The following PRIMPOL variants were observed in gnomAD, a reference collection of about 807,000 sequenced individuals.
PRIMPOL encodes the protein DNA-directed primase/polymerase protein.
A neutral mutation model predicts 63.6 loss-of-function variants in PRIMPOL; 54 were observed. The observed-to-expected ratio is 0.85, with a 90% CI of 0.68 to 1.07. The LOEUF is 1.07. PRIMPOL is among the 50% of genes least tolerant of loss of function. PRIMPOL has a pLI of 0.00. For missense variants in PRIMPOL, 610 were observed against 648.3 expected (o/e 0.94, Z 0.64); for synonymous variants, 197 against 220.2 (o/e 0.89, Z 0.93).
intron 5 of PRIMPOL, among the ~76,000 whole-genome samples, chr4:184,663,317 T>G (rs534830776): frequency 6.6e-6 from 1 of 152,266 alleles, no homozygotes; most frequent in Non-Finnish European, 1.5e-5. Flanking sequence ...AGTGCTGGGA[T>G]TATAGGCGCG....
At position 184,654,764 on chromosome 4, in the gene PRIMPOL, A is replaced by T. The variant is rs537596408; in HGVS notation, c.-59-2318A>T. ...ACCGCGCCCGGCTGAAGCAGTTTTT[A>T]AAAAAATTGCTTCATCTCCTCCATC... On this transcript the variant is annotated intron_variant, in intron 2 of 13. Coordinates refer to ENST00000314970, the MANE Select transcript of PRIMPOL (RefSeq NM_152683.4). Among the ~76,000 whole-genome samples, 21 of 152,070 alleles carry T rather than the reference A, an allele frequency of 1.4e-4. No homozygotes were observed. In the South Asian group the frequency reaches 2.1e-3, roughly 15 times the overall value.
intron 7 of PRIMPOL, 66 bp downstream of exon 7, chr4:184,672,526 C>A: frequency 6.9e-7 from 1 of 1,459,352 alleles, no homozygotes; most frequent in Non-Finnish European, 9.3e-7. Context: ...CGGGTTGGTG[C>A]CCACTCGTCA....
chr4:184,679,799 AG>A (rs1167495363), intron 8 of PRIMPOL, among the ~76,000 whole-genome samples: 3 of 152,200 alleles, frequency 2.0e-5, no homozygotes, highest in Admixed American at 2.0e-4. Context: ...AGCACATGGG[AG>A]GGATCTAGGT....
intron 5 of PRIMPOL, among the ~76,000 whole-genome samples, chr4:184,663,552 G>A (rs1330107314): frequency 1.3e-5 from 2 of 152,158 alleles, no homozygotes; most frequent in Non-Finnish European, 2.9e-5. Flanking sequence ...AATTTCATTT[G>A]TAACACATAT....
At chr4:184,672,787 A>G (rs1393057531) in intron 7 of PRIMPOL, among the ~76,000 whole-genome samples, 1 of 152,170 alleles carries the variant, frequency 6.6e-6, no homozygotes, top group Non-Finnish European at 1.5e-5. Flanking sequence ...AAGTCAGAGT[A>G]CAGAAATTTA....
intron 13 of PRIMPOL, among the ~76,000 whole-genome samples, chr4:184,691,989 CAAAA>C (rs1424754043): frequency 1.3e-5 from 2 of 149,386 alleles, no homozygotes; most frequent in African/African-American, 4.9e-5. Flanking sequence ...TTCAAAGTAA[CAAAA>C]TACCCATCTT....
chr4:184,669,643 A>G (rs1433852381), intron 6 of PRIMPOL, among the ~76,000 whole-genome samples: 1 of 152,246 alleles, frequency 6.6e-6, no homozygotes, highest in Non-Finnish European at 1.5e-5. Flanking sequence ...GATGGCATTC[A>G]TCTGGGCTTT....
At chr4:184,677,418 T>G (rs150790110) in intron 7 of PRIMPOL, among the ~76,000 whole-genome samples, 264 of 152,314 alleles carry the variant, frequency 1.7e-3, no homozygotes, top group African/African-American at 6.0e-3. Flanking sequence ...GTGCTACCTT[T>G]GCCATAAATC....
At chr4:184,667,436 G>A (rs113830866) in intron 6 of PRIMPOL, among the ~76,000 whole-genome samples, 6,283 of 151,506 alleles carry the variant, frequency 0.041, 179 homozygotes, top group Non-Finnish European at 0.061. Context: ...TCAGCCTCCC[G>A]AGTAGCTGAG....
chr4:184,689,356 C>T (rs1269738857), intron 11 of PRIMPOL, among the ~76,000 whole-genome samples: 1 of 151,954 alleles, frequency 6.6e-6, no homozygotes, highest in African/African-American at 2.4e-5. Context: ...ACCACCTCAC[C>T]AGGCCTATGT....
At chr4:184,666,692 T>C (rs1303898853) in intron 6 of PRIMPOL, among the ~76,000 whole-genome samples, 1 of 152,230 alleles carries the variant, frequency 6.6e-6, no homozygotes, top group African/African-American at 2.4e-5. Context: ...TCAAGCCTTA[T>C]CTGCAATCTC....
rs1760079346 is a variant in PRIMPOL at position 184,694,548 on chromosome 4, A to G, written c.1452A>G (p.Ala484=). The G allele has an allele frequency of 6.2e-7, 1 of 1,611,764 alleles. No homozygotes were observed. Among genetic ancestry groups the G allele is most frequent in the South Asian group, 1.1e-5 (1 of 91,092 alleles). Residue 484 remains alanine, a synonymous_variant, in exon 14 of 14, where the codon GCA becomes GCG. Coordinates refer to ENST00000314970, the MANE Select transcript of PRIMPOL (RefSeq NM_152683.4). ...AAGAAGAGTTTACAACAGATGAAGC[A>G]GATGAAACTAGGAGCAATGAAACCC... is the stretch of plus-strand genomic sequence containing the variant. ...KEEEEFTTDE[A]DETRSNETQN... is the part of the protein sequence containing the mutation.
rs561937379 is a variant in PRIMPOL, at chr4:184,679,537, T to A, written c.1007+1143T>A. On this transcript the variant is annotated intron_variant, in intron 8 of 13. Transcript: ENST00000314970. ...CAGAAATACTATAGTAAGTCTTCAT[T>A]TGATGTTGATAAGTTATTGGAAACT... Among the ~76,000 whole-genome samples the A allele has an allele frequency of 5.1e-4, 77 of 152,290 alleles. No homozygotes were observed. In the South Asian group the frequency reaches 0.016, roughly 31 times the overall value.
chr4:184,655,522 A>G (rs1451994729), intron 2 of PRIMPOL, among the ~76,000 whole-genome samples: 1 of 151,592 alleles, frequency 6.6e-6, no homozygotes, highest in Non-Finnish European at 1.5e-5. Flanking sequence ...GGGTTTCACC[A>G]TCTTGGTCAG....
chr4:184,678,621 G>A (rs1233591418), intron 8 of PRIMPOL, among the ~76,000 whole-genome samples: 1 of 149,006 alleles, frequency 6.7e-6, no homozygotes, highest in East Asian at 2.0e-4. Flanking sequence ...TCTGCCTCCC[G>A]GGTTCATGCC....
intron 2 of PRIMPOL, among the ~76,000 whole-genome samples, chr4:184,652,721 A>T (rs1350472878): frequency 6.6e-6 from 1 of 152,200 alleles, no homozygotes; most frequent in Non-Finnish European, 1.5e-5. Flanking sequence ...ATATTGTCAA[A>T]TACCAGGATA....
chr4:184,685,445 C>T lies in PRIMPOL; in HGVS notation c.1133C>T (p.Pro378Leu). ...GAAGGTTTTCAGTGTTCTCCCTATC[C>T]TGAAGTTGATCATTTTGTTCTTTCT... is the stretch of plus-strand genomic sequence containing the variant. ...TIEGFQCSPY[P>L]EVDHFVLSLV... is the part of the protein sequence containing the mutation. Residue 378 changes from proline to leucine, a missense_variant, in exon 10 of 14, where the codon CCT becomes CTT. Physicochemically the swap from Pro to Leu is moderately conservative, Grantham distance 98. Transcript: ENST00000314970. The T allele has an allele frequency of 6.2e-7, 1 of 1,613,140 alleles. No homozygotes were observed. The highest frequency in any genetic ancestry group is 1.7e-5 in the Admixed American group (1 of 60,008).
In PRIMPOL at chr4:184,672,411, T is replaced by A; in HGVS notation, c.795T>A (p.Phe265Leu). ...SAEQSSPDLS[F>L]LVVKNNMGEK... ...AGCAAAGCAGTCCTGACCTTTCATT[T>A]CTAGTTGTGAAGAATAACATGGGAG... Residue 265 changes from phenylalanine (F) to leucine (L), a missense_variant, in exon 7 of 14, where the codon TTT becomes TTA. By Grantham distance (22) the Phe-to-Leu change is conservative (BLOSUM62 0). Coordinates refer to ENST00000314970, the MANE Select transcript of PRIMPOL (RefSeq NM_152683.4). The A allele has an allele frequency of 6.2e-7, 1 of 1,612,526 alleles. No individual in the cohort carries two copies. Among genetic ancestry groups the A allele is most frequent in the Non-Finnish European group, 8.5e-7 (1 of 1,179,680 alleles).
chr4:184,654,195 C>T (rs1438250564), intron 2 of PRIMPOL, among the ~76,000 whole-genome samples: 1 of 152,192 alleles, frequency 6.6e-6, no homozygotes, highest in African/African-American at 2.4e-5. Flanking sequence ...GTACGAATAT[C>T]CACATAGTCA....
Sources: gnomAD v4.1 joint callset for allele counts (sites outside exome capture counted in the v4.1 genomes callset) on GRCh38, gnomAD v4.1.1 for gene constraint, MANE v1.5 for transcripts, NCBI Gene and HGNC (gene_info 2026-07-23, HGNC 2026-07-21) for gene names.